KLF12: variants seen among roughly 807,000 people sequenced by gnomAD.
The protein encoded by KLF12 is Krueppel-like factor 12.
In KLF12, 9 loss-of-function variants were observed where a neutral mutation model predicts 37.8. The ratio of observed to expected loss-of-function variants is 0.24; its 90% CI spans 0.14 to 0.42. The LOEUF is 0.42. Among genes scored for constraint, KLF12 ranks in the 10% least tolerant of loss-of-function variants. The pLI is 1.00. For synonymous variants in KLF12, 208 were observed against 202.1 expected (o/e 1.03, Z -0.25); for missense variants, 411 against 516.0 (o/e 0.80, Z 1.97).
upstream of KLF12, among the ~76,000 whole-genome samples, chr13:74,136,973 A>G (rs1207991723): frequency 1.3e-5 from 2 of 152,228 alleles, no homozygotes; most frequent in Non-Finnish European, 2.9e-5. Context: ...GAGCAAAAAC[A>G]TTTGAAATAA....
intron 3 of KLF12, among the ~76,000 whole-genome samples, chr13:73,920,786 C>T (rs56058830): frequency 0.092 from 13,975 of 152,096 alleles, 730 homozygotes; most frequent in Non-Finnish European, 0.11. Context: ...AAATAATACC[C>T]CAAAGTATGG....
the KLF12 span, among the ~76,000 whole-genome samples, chr13:74,151,180 A>G: frequency 6.6e-6 from 1 of 152,198 alleles, no homozygotes; most frequent in Non-Finnish European, 1.5e-5. Flanking sequence ...AGAGCACTAA[A>G]CGAGGACTGA....
intron 6 of KLF12, among the ~76,000 whole-genome samples, chr13:73,738,828 T>A (rs914323110): frequency 3.3e-5 from 5 of 152,170 alleles, no homozygotes; most frequent in African/African-American, 9.7e-5. Context: ...AGGTTTACAG[T>A]TAAATGCCTG....
At chr13:74,233,342 C>G in the KLF12 span, among the ~76,000 whole-genome samples, 1 of 152,270 alleles carries the variant, frequency 6.6e-6, no homozygotes, top group East Asian at 1.9e-4. Context: ...GCTCCATCCA[C>G]TATGTGCCCT....
intron 3 of KLF12, among the ~76,000 whole-genome samples, chr13:73,857,863 A>G (rs1235057548): frequency 6.6e-6 from 1 of 152,344 alleles, no homozygotes; most frequent in Non-Finnish European, 1.5e-5. Context: ...TAATTCTAAT[A>G]ATCAGACAAG....
the KLF12 span, among the ~76,000 whole-genome samples, chr13:74,158,627 G>A: frequency 2.6e-5 from 4 of 152,180 alleles, no homozygotes; most frequent in Non-Finnish European, 4.4e-5. Context: ...CATGGACAGA[G>A]GAAGTTGGTC....
chr13:74,209,522 T>TCACACACACACACACA, the KLF12 span, among the ~76,000 whole-genome samples: 14 of 145,998 alleles, frequency 9.6e-5, no homozygotes, highest in African/African-American at 3.5e-4. Flanking sequence ...AACATCTTAG[T>TCACACACACACACACA]CACACACACA....
chr13:73,707,475 T>C lies in KLF12; in HGVS notation c.1027+7893A>G, dbSNP rs183836859. On this transcript the variant is annotated intron_variant, in intron 7 of 7. Transcript: ENST00000377669. ...ACCAATATAGCTCATATTCATGAGC[T>C]ATTTGATCAGGACTTACAAACAACT... Among the ~76,000 whole-genome samples the C allele has an allele frequency of 2.2e-3, 332 of 152,326 alleles. 4 individuals are homozygous for C. The highest frequency in any genetic ancestry group is 7.8e-3 in the African/African-American group (324 of 41,576).
chr13:74,144,509 T>C, the KLF12 span, among the ~76,000 whole-genome samples: 1 of 152,308 alleles, frequency 6.6e-6, no homozygotes, highest in East Asian at 1.9e-4. Context: ...TTTGTATTTC[T>C]TTCACATCAA....
At chr13:73,716,155 T>C (rs1245757349) in intron 6 of KLF12, among the ~76,000 whole-genome samples, 2 of 152,234 alleles carry the variant, frequency 1.3e-5, no homozygotes, top group Non-Finnish European at 2.9e-5. Flanking sequence ...AAAGATTAGC[T>C]GTACCACCAT....
At chr13:74,090,624 G>A (rs1875595628) in intron 1 of KLF12, among the ~76,000 whole-genome samples, 1 of 152,164 alleles carries the variant, frequency 6.6e-6, no homozygotes, top group Middle Eastern at 3.4e-3. Flanking sequence ...TTTTCCATGT[G>A]CTTAGTTGCC....
intron 3 of KLF12, among the ~76,000 whole-genome samples, chr13:73,886,557 G>A (rs1032825666): frequency 6.6e-6 from 1 of 152,076 alleles, no homozygotes; most frequent in South Asian, 2.1e-4. Context: ...GATCTGTGCA[G>A]CAAACCACCA....
At chr13:74,158,321 G>A in the KLF12 span, among the ~76,000 whole-genome samples, 1 of 152,204 alleles carries the variant, frequency 6.6e-6, no homozygotes, top group Non-Finnish European at 1.5e-5. Flanking sequence ...GTAAGATGGA[G>A]GAGAGCTGGG....
At chr13:74,295,301 G>T in the KLF12 span, among the ~76,000 whole-genome samples, 1 of 151,916 alleles carries the variant, frequency 6.6e-6, no homozygotes, top group African/African-American at 2.4e-5. Flanking sequence ...TTCATGTCCT[G>T]CCTCCACTCC....
the KLF12 span, among the ~76,000 whole-genome samples, chr13:74,282,340 T>C: frequency 3.3e-5 from 5 of 152,230 alleles, no homozygotes; most frequent in Admixed American, 6.5e-5. Context: ...ATGCCTTGCT[T>C]GCAAGACTTT....
the KLF12 span, among the ~76,000 whole-genome samples, chr13:74,183,995 A>C: frequency 1.3e-5 from 2 of 152,202 alleles, no homozygotes; most frequent in Non-Finnish European, 2.9e-5. Context: ...TTATGGTGGC[A>C]GATATAAATA....
intron 3 of KLF12, among the ~76,000 whole-genome samples, chr13:73,934,111 T>C (rs1164232101): frequency 6.6e-6 from 1 of 152,200 alleles, no homozygotes; most frequent in Non-Finnish European, 1.5e-5. Context: ...CTGTACTCTG[T>C]TCCTTTTGAC....
At chr13:74,056,861 A>G (rs1309418622) in intron 1 of KLF12, among the ~76,000 whole-genome samples, 1 of 152,190 alleles carries the variant, frequency 6.6e-6, no homozygotes, top group Non-Finnish European at 1.5e-5. Context: ...GGAAAAATAA[A>G]TCTGCATACC....
chr13:74,099,284 T>C (rs1045728601), intron 1 of KLF12, among the ~76,000 whole-genome samples: 1 of 152,094 alleles, frequency 6.6e-6, no homozygotes, highest in African/African-American at 2.4e-5. Flanking sequence ...CAATTGAGGC[T>C]GCAGTGAGCT....
Sources: gnomAD v4.1 joint callset for allele counts (sites outside exome capture counted in the v4.1 genomes callset) on GRCh38, gnomAD v4.1.1 for gene constraint, MANE v1.5 for transcripts, NCBI Gene and HGNC (gene_info 2026-07-23, HGNC 2026-07-21) for gene names.